ERBB4: variants seen among roughly 807,000 people sequenced by gnomAD.
ERBB4 encodes erb-b2 receptor tyrosine kinase 4.
In ERBB4, 42 loss-of-function variants were observed where a neutral mutation model predicts 158.0. That is an observed-to-expected ratio of 0.27 (90% CI 0.21 to 0.34). The LOEUF (loss-of-function observed/expected upper bound fraction) is 0.34. ERBB4 is among the 10% of genes least tolerant of loss of function. The pLI is 1.00. For missense variants in ERBB4, 1,333 were observed against 1,624.1 expected (o/e 0.82, Z 3.08); for synonymous variants, 583 against 558.7 (o/e 1.04, Z -0.61).
chr2:212,254,243 G>T (rs1389329243), intron 1 of ERBB4, among the ~76,000 whole-genome samples: 3 of 151,932 alleles, frequency 2.0e-5, no homozygotes, highest in Non-Finnish European at 4.4e-5. Flanking sequence ...CAGTCCAAAC[G>T]TATTTGCTCA....
intron 2 of ERBB4, among the ~76,000 whole-genome samples, chr2:212,025,940 GA>G (rs1371416819): frequency 6.6e-6 from 1 of 151,660 alleles, no homozygotes; most frequent in Non-Finnish European, 1.5e-5. Flanking sequence ...GAACTTCTCT[GA>G]AGCTTAACCT....
At chr2:212,211,541 C>T (rs1229518546) in intron 1 of ERBB4, among the ~76,000 whole-genome samples, 1 of 150,514 alleles carries the variant, frequency 6.6e-6, no homozygotes, top group Non-Finnish European at 1.5e-5. Flanking sequence ...AATGAAGTAA[C>T]AAAACCTACT....
At chr2:211,501,871 G>A (rs12989342) in intron 20 of ERBB4, among the ~76,000 whole-genome samples, 60,415 of 151,794 alleles carry the variant, frequency 0.4, 12,692 homozygotes, top group African/African-American at 0.53. Context: ...ATAAAGCAAT[G>A]CCTTCATGGG....
intron 1 of ERBB4, among the ~76,000 whole-genome samples, chr2:212,231,457 C>A (rs1215746153): frequency 1.3e-5 from 2 of 152,138 alleles, no homozygotes; most frequent in African/African-American, 2.4e-5. Context: ...CGGCAAAGTG[C>A]CCATGAAGGT....
intron 2 of ERBB4, among the ~76,000 whole-genome samples, chr2:212,072,098 C>T (rs891306398): frequency 6.6e-6 from 1 of 151,832 alleles, no homozygotes; most frequent in Admixed American, 6.6e-5. Flanking sequence ...TTGCTTTGTC[C>T]ATAGTATTTT....
intron 1 of ERBB4, among the ~76,000 whole-genome samples, chr2:212,486,848 C>A (rs1029135072): frequency 2.0e-5 from 3 of 151,694 alleles, no homozygotes; most frequent in Admixed American, 6.6e-5. Flanking sequence ...TACAGATGTT[C>A]TTTTGTATTC....
At chr2:212,383,490 G>A (rs1216501583) in intron 1 of ERBB4, among the ~76,000 whole-genome samples, 1 of 151,546 alleles carries the variant, frequency 6.6e-6, no homozygotes, top group African/African-American at 2.4e-5. Flanking sequence ...ACAGTCTATT[G>A]ACTAGTAAAT....
chr2:211,883,742 A>G (rs1278478590), intron 3 of ERBB4, among the ~76,000 whole-genome samples: 1 of 152,174 alleles, frequency 6.6e-6, no homozygotes, highest in Non-Finnish European at 1.5e-5. Flanking sequence ...TAGTGAGGCA[A>G]GTTCGTGCCA....
intron 20 of ERBB4, among the ~76,000 whole-genome samples, chr2:211,433,364 G>A (rs996985620): frequency 4.6e-5 from 7 of 151,896 alleles, no homozygotes; most frequent in Non-Finnish European, 7.4e-5. Context: ...GGTGGATCAC[G>A]AGGTCAGGAG....
chr2:212,264,934 T>C (rs546036498), intron 1 of ERBB4, among the ~76,000 whole-genome samples: 1 of 152,236 alleles, frequency 6.6e-6, no homozygotes, highest in Non-Finnish European at 1.5e-5. Context: ...CTTCATCATA[T>C]TTCCACATAG....
intron 13 of ERBB4, among the ~76,000 whole-genome samples, chr2:211,678,303 A>AC (rs145479396): frequency 0.6 from 64,659 of 107,842 alleles, 14,881 homozygotes; most frequent in Middle Eastern, 0.64. Context: ...AAACAAACAA[A>AC]AAAAAACAAA....
At chr2:211,874,957 G>A (rs1421590462) in intron 3 of ERBB4, among the ~76,000 whole-genome samples, 1 of 136,762 alleles carries the variant, frequency 7.3e-6, no homozygotes, top group Non-Finnish European at 1.5e-5. Flanking sequence ...CAATATGTGC[G>A]CTGTATTTCT....
chr2:212,015,568 C>G (rs2076510432), intron 2 of ERBB4, among the ~76,000 whole-genome samples: 1 of 152,160 alleles, frequency 6.6e-6, no homozygotes, highest in African/African-American at 2.4e-5. Flanking sequence ...AGCAGTCCCT[C>G]TGTCAATCAT....
At chr2:212,505,391 C>T (rs1426279469) in intron 1 of ERBB4, among the ~76,000 whole-genome samples, 1 of 152,124 alleles carries the variant, frequency 6.6e-6, no homozygotes, top group Non-Finnish European at 1.5e-5. Flanking sequence ...GCCATCACAC[C>T]CGGCCTGTTT....
At chr2:212,307,020 G>GA (rs1468414108) in intron 1 of ERBB4, among the ~76,000 whole-genome samples, 14 of 151,086 alleles carry the variant, frequency 9.3e-5, no homozygotes, top group African/African-American at 3.4e-4. Context: ...AAAATGAAAG[G>GA]CCAAATTATC....
intron 22 of ERBB4, among the ~76,000 whole-genome samples, chr2:211,426,021 G>T (rs921534216): frequency 6.6e-6 from 1 of 152,034 alleles, no homozygotes; most frequent in East Asian, 1.9e-4. Context: ...TATTAACTTA[G>T]GTAGGTAGTT....
At chr2:212,191,712 ATGT>A (rs2082226854) in intron 1 of ERBB4, among the ~76,000 whole-genome samples, 3 of 148,482 alleles carry the variant, frequency 2.0e-5, no homozygotes, top group East Asian at 2.0e-4. Flanking sequence ...CGTGTTATAC[ATGT>A]TACATATAAC....
intron 1 of ERBB4, among the ~76,000 whole-genome samples, chr2:212,400,392 A>G (rs1055871388): frequency 2.5e-4 from 38 of 152,166 alleles, no homozygotes; most frequent in African/African-American, 8.2e-4. Flanking sequence ...ATAACTGACC[A>G]TGACAGTGAA....
intron 4 of ERBB4, among the ~76,000 whole-genome samples, chr2:211,774,968 T>C (rs1385453681): frequency 6.6e-6 from 1 of 152,152 alleles, no homozygotes; most frequent in African/African-American, 2.4e-5. Context: ...TTAAGATAGT[T>C]CGATGTTGAA....
Sources: allele counts gnomAD v4.1 joint callset (sites outside exome capture counted in the v4.1 genomes callset), GRCh38; gene constraint gnomAD v4.1.1; transcripts MANE v1.5; gene names NCBI Gene and HGNC (gene_info 2026-07-23, HGNC 2026-07-21).